The following DTNA variants were observed in gnomAD, a reference collection of about 807,000 sequenced individuals.
DTNA encodes the protein dystrophin-related protein 3.
A neutral mutation model predicts 100.7 loss-of-function variants in DTNA; 43 were observed. The observed-to-expected ratio is 0.43, with a 90% CI of 0.33 to 0.55. The LOEUF is 0.55. Among genes scored for constraint, DTNA ranks in the 20% least tolerant of loss-of-function variants. The pLI is 0.04. For synonymous variants in DTNA, 349 were observed against 347.9 expected, an observed-to-expected ratio of 1.00 and a Z score of -0.04; for missense variants, 798 against 953.9, an observed-to-expected ratio of 0.84 and a Z score of 2.15.
At chr18:34,840,223 G>A (rs528549145) in intron 13 of DTNA, among the ~76,000 whole-genome samples, 6 of 152,090 alleles carry the variant, frequency 3.9e-5, no homozygotes, top group African/African-American at 1.2e-4. Context: ...TTTGGCTGAC[G>A]TAAATCCATC....
intron 1 of DTNA, among the ~76,000 whole-genome samples, chr18:34,517,380 T>G (rs1253381957): frequency 6.6e-6 from 1 of 152,012 alleles, no homozygotes; most frequent in African/African-American, 2.4e-5. Flanking sequence ...CTTGCAAAAC[T>G]GTAATAAAAT....
intron 4 of DTNA, among the ~76,000 whole-genome samples, chr18:34,798,586 T>C (rs1343554320): frequency 6.6e-6 from 1 of 152,224 alleles, no homozygotes; most frequent in African/African-American, 2.4e-5. Flanking sequence ...GTAAGACAGT[T>C]CTTCATAAAG....
At chr18:34,516,368 C>T (rs893536466) in intron 1 of DTNA, among the ~76,000 whole-genome samples, 8 of 151,962 alleles carry the variant, frequency 5.3e-5, no homozygotes, top group Non-Finnish European at 1.0e-4. Flanking sequence ...AGGACCAGGG[C>T]GAAATTGGAA....
chr18:34,532,337 A>G (rs907246609), intron 1 of DTNA, among the ~76,000 whole-genome samples: 8 of 152,086 alleles, frequency 5.3e-5, no homozygotes, highest in African/African-American at 2.4e-5. Context: ...TAAATGAGCA[A>G]ATAAGTTGGA....
At position 34,891,522 on chromosome 18, in the gene DTNA, T is replaced by C. The variant is rs2096964419; in HGVS notation, c.*3788T>C. On this transcript the variant is annotated 3_prime_UTR_variant, in exon 23 of 23. Coordinates refer to ENST00000444659, the MANE Select transcript of DTNA (RefSeq NM_001386795.1). ...TAAAGCAGGACCCATTGATGGAATA[T>C]TGAGCCACCGAGGCAAAATAGCTCA... 1 of 152,246 alleles carries C rather than the reference T, an allele frequency of 6.6e-6. No individual in the cohort carries two copies. Among genetic ancestry groups the C allele is most frequent in the Non-Finnish European group, 1.5e-5 (1 of 68,044 alleles). The allele number at this position is 152,246 out of a possible 1,614,324, so 9.4% of individuals were successfully genotyped here. A position where few individuals can be genotyped will look rare whatever the true frequency, so the allele number is the denominator to read the frequency against.
chr18:34,560,887 A>T (rs1429622977), intron 1 of DTNA, among the ~76,000 whole-genome samples: 1 of 152,158 alleles, frequency 6.6e-6, no homozygotes, highest in East Asian at 1.9e-4. Context: ...ATGCCACTGC[A>T]CTCCAGCCTG....
intron 1 of DTNA, among the ~76,000 whole-genome samples, chr18:34,613,195 A>T (rs2054572320): frequency 6.6e-6 from 1 of 152,142 alleles, no homozygotes; most frequent in Non-Finnish European, 1.5e-5. Context: ...CATGAACTAC[A>T]CTCATATAAG....
At chr18:34,552,521 C>G (rs1003283989) in intron 1 of DTNA, among the ~76,000 whole-genome samples, 2 of 117,216 alleles carry the variant, frequency 1.7e-5, no homozygotes, top group East Asian at 6.5e-4. Context: ...AATGCTATCC[C>G]TCCCCCCTCC....
chr18:34,565,108 TGAAAA>T (rs1167815800), intron 1 of DTNA, among the ~76,000 whole-genome samples: 2 of 152,148 alleles, frequency 1.3e-5, no homozygotes, highest in Non-Finnish European at 2.9e-5. Context: ...GTCATACAAA[TGAAAA>T]GAAACATTTA....
chr18:34,849,944 A>G (rs1406507580), intron 14 of DTNA, among the ~76,000 whole-genome samples: 1 of 152,200 alleles, frequency 6.6e-6, no homozygotes, highest in Non-Finnish European at 1.5e-5. Flanking sequence ...TGCACATGTT[A>G]TTATTTATAT....
chr18:34,818,442 A>G, intron 8 of DTNA, 112 bp downstream of exon 8: 1 of 1,545,022 alleles, frequency 6.5e-7, no homozygotes. Flanking sequence ...CTTCCATCCC[A>G]GGTCTAGTAT....
chr18:34,880,713 T>C (rs1430699934), intron 20 of DTNA, among the ~76,000 whole-genome samples: 1 of 152,164 alleles, frequency 6.6e-6, no homozygotes, highest in Non-Finnish European at 1.5e-5. Flanking sequence ...TGGAGAATTA[T>C]CAAGAGGTGT....
intron 1 of DTNA, among the ~76,000 whole-genome samples, chr18:34,702,092 C>T (rs983123218): frequency 3.3e-5 from 5 of 152,202 alleles, no homozygotes; most frequent in Non-Finnish European, 5.9e-5. Flanking sequence ...ACCCTGTCCC[C>T]ATCTGCACAG....
chr18:34,643,338 T>C (rs1005019881), intron 1 of DTNA, among the ~76,000 whole-genome samples: 5 of 152,242 alleles, frequency 3.3e-5, no homozygotes, highest in Non-Finnish European at 1.5e-5. Context: ...TTAACACTCA[T>C]TAAAAAGTAT....
intron 1 of DTNA, among the ~76,000 whole-genome samples, chr18:34,743,582 CT>C (rs748315535): frequency 6.6e-6 from 1 of 152,068 alleles, no homozygotes; most frequent in East Asian, 1.9e-4. Flanking sequence ...AGATTGTAAA[CT>C]TGTTAAATGT....
intron 1 of DTNA, among the ~76,000 whole-genome samples, chr18:34,669,491 T>C (rs144209396): frequency 6.6e-6 from 1 of 152,144 alleles, no homozygotes. Context: ...GGTTATTTTG[T>C]TCGTTAGTTG....
At chr18:34,782,094 G>A (rs1159323602) in intron 3 of DTNA, among the ~76,000 whole-genome samples, 1 of 152,236 alleles carries the variant, frequency 6.6e-6, no homozygotes, top group Admixed American at 6.5e-5. Context: ...GAACACTGAG[G>A]TAAAGGGAAA....
intron 3 of DTNA, among the ~76,000 whole-genome samples, chr18:34,784,148 C>A (rs558147484): frequency 6.6e-6 from 1 of 152,258 alleles, no homozygotes; most frequent in South Asian, 2.1e-4. Context: ...AAGAACAGCC[C>A]GGGTTTCCAC....
At chr18:34,854,708 T>C (rs1017760791) in intron 15 of DTNA, among the ~76,000 whole-genome samples, 8 of 152,164 alleles carry the variant, frequency 5.3e-5, no homozygotes, top group Non-Finnish European at 1.0e-4. Context: ...CTAAGACATA[T>C]TATGATTGCT....
Sources: gnomAD v4.1 joint callset for allele counts (sites outside exome capture counted in the v4.1 genomes callset) on GRCh38, gnomAD v4.1.1 for gene constraint, MANE v1.5 for transcripts, NCBI Gene and HGNC (gene_info 2026-07-23, HGNC 2026-07-21) for gene names.